Variants in TRIO observed in about 807,000 individuals in gnomAD.
The protein encoded by TRIO is trio Rho guanine nucleotide exchange factor.
Under a neutral mutation model 351.9 loss-of-function variants are expected in TRIO, and 58 were observed. The observed-to-expected ratio is 0.16, with a 90% CI of 0.13 to 0.21. The LOEUF (loss-of-function observed/expected upper bound fraction) is 0.21. Ranked by LOEUF, TRIO falls within the 10% of genes least tolerant of loss-of-function variation. The probability of loss-of-function intolerance (pLI) is 1.00; values close to 1 mark genes in which losing one functional copy is unlikely to be tolerated. For missense variants in TRIO, 3,201 were observed against 4,027.8 expected, an observed-to-expected ratio of 0.79 and a Z score of 5.56; for synonymous variants, 1,758 against 1,595.7, an observed-to-expected ratio of 1.10 and a Z score of -2.42.
At chr5:14,290,593 T>A (rs1394975176) in intron 4 of TRIO, 123 bp from the exon 5 acceptor site, 1 of 1,018,860 alleles carries the variant, frequency 9.8e-7, no homozygotes, top group East Asian at 2.6e-5. Context: ...CCAGGTATGT[T>A]ATGTTTTCTA....
At chr5:14,272,260 T>TTATCAGTTTTTTA (rs1452281589) in intron 2 of TRIO, among the ~76,000 whole-genome samples, 10 of 152,212 alleles carry the variant, frequency 6.6e-5, no homozygotes, top group Admixed American at 5.9e-4. Flanking sequence ...GTTCATGTGT[T>TTATCAGTTTTTTA]TATCAGTTTT....
Position 14,497,910 on chromosome 5 carries a change from G to A in TRIO, c.8047+36G>A. The A allele has an allele frequency of 1.9e-6, 3 of 1,613,964 alleles. No homozygotes were observed. Among genetic ancestry groups the A allele is most frequent in the Non-Finnish European group, 2.5e-6 (3 of 1,179,860 alleles). On this transcript the variant is annotated intron_variant, in intron 51 of 56. Coordinates refer to ENST00000344204, the MANE Select transcript of TRIO (RefSeq NM_007118.4). This position sits in a 1 kb window ranked among gnomAD's most constrained non-coding sequence, Gnocchi z 4.4. ...TTCTTTTTCTTCTAGTCCTAGAGAT[G>A]ATTCTAGACCTGTGGGGCATGTTTC...
chr5:14,290,377 A>G (rs538192618), intron 4 of TRIO, among the ~76,000 whole-genome samples: 1 of 152,340 alleles, frequency 6.6e-6, no homozygotes, highest in East Asian at 1.9e-4. Context: ...CTTGCAATTT[A>G]ACCTGTTTCC....
At chr5:14,455,022 G>T (rs914554199) in intron 34 of TRIO, among the ~76,000 whole-genome samples, 1 of 151,740 alleles carries the variant, frequency 6.6e-6, no homozygotes, top group South Asian at 2.1e-4. Flanking sequence ...CATTCGTCCC[G>T]GTGGGTTCGT....
chr5:14,484,181 G>A (rs1755749173), intron 46 of TRIO, among the ~76,000 whole-genome samples: 2 of 152,096 alleles, frequency 1.3e-5, no homozygotes, highest in African/African-American at 4.8e-5. Context: ...AATCACTCCA[G>A]CACTGTAGGA....
intron 11 of TRIO, among the ~76,000 whole-genome samples, chr5:14,349,929 C>T (rs1742896847): frequency 6.6e-6 from 1 of 152,132 alleles, no homozygotes; most frequent in Non-Finnish European, 1.5e-5. Flanking sequence ...TCTTTGTGTC[C>T]ATGTATTCTT....
intron 1 of TRIO, among the ~76,000 whole-genome samples, chr5:14,230,097 A>G (rs1262363993): frequency 1.3e-5 from 2 of 152,184 alleles, no homozygotes; most frequent in African/African-American, 4.8e-5. Context: ...GAGGGGTCCT[A>G]TTGGCAACTC....
intron 1 of TRIO, among the ~76,000 whole-genome samples, chr5:14,204,412 A>G (rs1231499166): frequency 6.6e-6 from 1 of 151,968 alleles, no homozygotes; most frequent in African/African-American, 2.4e-5. Context: ...TTTGTTCTGC[A>G]GGTTGTCTTG....
intron 1 of TRIO, among the ~76,000 whole-genome samples, chr5:14,193,303 G>A (rs533288139): frequency 1.3e-5 from 2 of 151,118 alleles, no homozygotes; most frequent in South Asian, 2.1e-4. Flanking sequence ...TAGGAAAAAC[G>A]TACCTGTGGG....
At chr5:14,168,255 G>A (rs1157874835) in intron 1 of TRIO, among the ~76,000 whole-genome samples, 1 of 152,178 alleles carries the variant, frequency 6.6e-6, no homozygotes, top group Non-Finnish European at 1.5e-5. Context: ...CGTGAGAACT[G>A]GATATGCCAC....
At chr5:14,437,686 A>ACCC (rs1164194119) in intron 34 of TRIO, among the ~76,000 whole-genome samples, 70 of 99,322 alleles carry the variant, frequency 7.0e-4, no homozygotes, top group African/African-American at 2.6e-3. Context: ...GATGAGGACC[A>ACCC]CCCCCCCCGC....
chr5:14,498,226 G>C lies in TRIO; in HGVS notation c.8185G>C (p.Asp2729His). Residue 2729 changes from aspartate to histidine, a missense_variant, in exon 52 of 57, where the codon GAT (aspartate) becomes CAT (histidine). Around this residue, in one of 19 missense-constraint regions of TRIO, gnomAD observed 1,089 missense variants for 954.9 expected, o/e 1.14. Transcript: ENST00000344204. The part of the protein sequence containing the change: ...KGPEHNTLNN[D>H]GHYSISYSDL... ...CCCTGAACACAACACCTTGAACAACGATGGTCACTACAGCATCTCCTACAG... is the reference window on the plus strand; with the variant it reads ...CCCTGAACACAACACCTTGAACAACCATGGTCACTACAGCATCTCCTACAG... The C allele has an allele frequency of 6.2e-7, 1 of 1,614,208 alleles. No homozygotes were observed. Among genetic ancestry groups the C allele is most frequent in the Non-Finnish European group, 8.5e-7 (1 of 1,180,038 alleles).
chr5:14,240,606 C>G (rs944439864), intron 1 of TRIO, among the ~76,000 whole-genome samples: 1 of 152,186 alleles, frequency 6.6e-6, no homozygotes, highest in African/African-American at 2.4e-5. Context: ...TTCCAAAACC[C>G]TTTCAGCTGC....
chr5:14,273,772 A>G (rs554274357), intron 2 of TRIO, among the ~76,000 whole-genome samples: 6 of 152,360 alleles, frequency 3.9e-5, no homozygotes, highest in Middle Eastern at 3.4e-3. Context: ...AATGTCAACT[A>G]TTAGTGTGGT....
chr5:14,485,099 GA>G lies in TRIO; in HGVS notation c.6692del (p.Asn2231MetfsTer8). ...VSCLCLEENVENDPCKFALTS... is the reference protein window; with the variant it reads ...VSCLCLEENVXNDPCKFALTS... ...TTGCCTTTGCCTGGAGGAAAATGTGGAAAATGATCCCTGTAAATTTGCTCTG... is the reference window on the plus strand; with the variant it reads ...TTGCCTTTGCCTGGAGGAAAATGTGGAAATGATCCCTGTAAATTTGCTCTG... On this transcript the variant is annotated frameshift_variant, in exon 47 of 57. Transcript: ENST00000344204. LOFTEE classifies it high-confidence loss of function. 2.6e-6 allele frequency: 4 copies of G among 1,545,676 alleles called. No individual in the cohort carries two copies. Among genetic ancestry groups the G allele is most frequent in the Non-Finnish European group, 2.6e-6 (3 of 1,138,630 alleles).
At chr5:14,406,483 T>C (rs1430160545) in intron 32 of TRIO, 90 bp from the exon 33 acceptor site, 4 of 1,260,020 alleles carry the variant, frequency 3.2e-6, no homozygotes, top group Non-Finnish European at 4.6e-6. Context: ...TCACGAAGGC[T>C]GATATGCACC....
chr5:14,401,796 A>G (rs1476164243), intron 31 of TRIO, among the ~76,000 whole-genome samples: 1 of 152,196 alleles, frequency 6.6e-6, no homozygotes, highest in African/African-American at 2.4e-5. Context: ...TGGAAATGCC[A>G]TCAGCGGCTT....
intron 1 of TRIO, among the ~76,000 whole-genome samples, chr5:14,208,634 T>C (rs1326447759): frequency 2.0e-5 from 3 of 152,226 alleles, no homozygotes; most frequent in East Asian, 1.9e-4. Flanking sequence ...TCTAACTTAG[T>C]ATGTAAACTA....
intron 8 of TRIO, among the ~76,000 whole-genome samples, chr5:14,314,866 C>T (rs886866391): frequency 6.6e-6 from 1 of 152,202 alleles, no homozygotes. Context: ...TTAACTGACA[C>T]TAATTCAGCA....
Sources: allele counts gnomAD v4.1 joint callset (sites outside exome capture counted in the v4.1 genomes callset), GRCh38; gene constraint gnomAD v4.1.1; regional missense constraint gnomAD v4.1.1; non-coding constraint Gnocchi (gnomAD v3.1); transcripts MANE v1.5; gene names NCBI Gene and HGNC (gene_info 2026-07-23, HGNC 2026-07-21).